ESCO1: variants seen among roughly 807,000 people sequenced by gnomAD.
ESCO1 encodes the protein N-acetyltransferase ESCO1.
ESCO1 carries 33 observed loss-of-function variants against 83.5 expected under a neutral mutation model. That is an observed-to-expected ratio of 0.40 (90% CI 0.30 to 0.53). ESCO1 has a LOEUF of 0.53. ESCO1 is among the 20% of genes least tolerant of loss of function. ESCO1 has a pLI of 0.63. For synonymous variants in ESCO1, 332 were observed against 324.3 expected, an observed-to-expected ratio of 1.02 and a Z score of -0.25; for missense variants, 855 against 968.0, an observed-to-expected ratio of 0.88 and a Z score of 1.55.
Position 21,574,048 on chromosome 18 carries a change from C to T in ESCO1, c.796G>A (p.Val266Ile), listed in dbSNP as rs2038380559. 6.2e-7 allele frequency: 1 copy of T among 1,612,626 alleles called. No homozygotes were observed. The highest frequency in any genetic ancestry group is 1.7e-5 in the Admixed American group (1 of 59,964). The change falls in exon 4 of 12, where the codon GTT becomes ATT. Residue 266 changes from valine (V) to isoleucine (I), a missense_variant. Transcript: ENST00000269214. ...GTGTTAGTATTCACTTGTGTATGAA[C>T]CGACTTCTTCATCTCATTCTTTTTC... ...VPKKNEMKKS[V>I]HTQVNTNTTL...
chr18:21,535,902 G>A, intron 10 of ESCO1, 140 bp downstream of exon 10: 1 of 973,138 alleles, frequency 1.0e-6, no homozygotes, highest in Non-Finnish European at 1.5e-6. Context: ...CTATGGTGAA[G>A]ACTCACACAT....
At chr18:21,572,895 CG>C (rs1435762039) in intron 4 of ESCO1, among the ~76,000 whole-genome samples, 1 of 150,594 alleles carries the variant, frequency 6.6e-6, no homozygotes, top group Non-Finnish European at 1.5e-5. Flanking sequence ...ACCTGGGAGG[CG>C]GAGGATGCAG....
chr18:21,556,716 C>T (rs1309634869), intron 8 of ESCO1, among the ~76,000 whole-genome samples: 1 of 151,426 alleles, frequency 6.6e-6, no homozygotes, highest in Non-Finnish European at 1.5e-5. Context: ...TTTTTTTCCC[C>T]TTGAGATGGA....
chr18:21,536,284 G>A, intron 9 of ESCO1, 99 bp from the exon 10 acceptor site: 1 of 1,336,656 alleles, frequency 7.5e-7, no homozygotes, highest in Non-Finnish European at 1.0e-6. Context: ...TTCCAAGCAG[G>A]GCATCCTCTA....
intron 8 of ESCO1, among the ~76,000 whole-genome samples, chr18:21,547,212 T>C (rs914544673): frequency 6.6e-6 from 1 of 152,176 alleles, no homozygotes; most frequent in Non-Finnish European, 1.5e-5. Context: ...CCATCGTCCC[T>C]CGCACTGATC....
chr18:21,592,877 G>C (rs544175637), intron 1 of ESCO1, among the ~76,000 whole-genome samples: 76 of 151,488 alleles, frequency 5.0e-4, no homozygotes, highest in Non-Finnish European at 8.6e-4. Context: ...TCTCAGATGG[G>C]GCGGCTGGGC....
At chr18:21,576,914 T>A (rs957770517) in intron 2 of ESCO1, among the ~76,000 whole-genome samples, 1 of 151,852 alleles carries the variant, frequency 6.6e-6, no homozygotes, top group Admixed American at 6.6e-5. Flanking sequence ...GCGCCTGTAA[T>A]CCCAGCTACT....
intron 1 of ESCO1, among the ~76,000 whole-genome samples, chr18:21,592,276 CG>C (rs1186157648): frequency 6.6e-6 from 1 of 150,766 alleles, no homozygotes; most frequent in Non-Finnish European, 1.5e-5. Flanking sequence ...ACCTCCTGGA[CG>C]GGGCAGCTGG....
At chr18:21,558,071 A>T (rs1237415097) in intron 8 of ESCO1, among the ~76,000 whole-genome samples, 1 of 150,888 alleles carries the variant, frequency 6.6e-6, no homozygotes, top group Non-Finnish European at 1.5e-5. Context: ...GCTCAAGCCA[A>T]CCTCCTGAGC....
At chr18:21,561,368 C>T (rs975676945) in intron 7 of ESCO1, among the ~76,000 whole-genome samples, 4 of 152,150 alleles carry the variant, frequency 2.6e-5, no homozygotes. Flanking sequence ...CAGGGTCTCA[C>T]GGTCTCACTG....
chr18:21,568,073 A>G lies in ESCO1; in HGVS notation c.1552T>C (p.Ser518Pro). 1 of 1,613,838 alleles carries G rather than the reference A, an allele frequency of 6.2e-7. No homozygotes were observed. Among genetic ancestry groups the G allele is most frequent in the Middle Eastern group, 1.7e-4 (1 of 6,056 alleles). The change falls in exon 5 of 12, where the codon TCC becomes CCC. Residue 518 changes from serine to proline, a missense_variant. By Grantham distance (74) the Ser-to-Pro change is moderately conservative. Coordinates refer to ENST00000269214, the MANE Select transcript of ESCO1 (RefSeq NM_052911.3). ...TCCACTGGACTGTTTTCTAGCTTGG[A>G]TTCCAAACATTGGCTGAAATTCTGA... Reference protein sequence around the residue: ...SNKNFSQCLESKLENSPVENV... With the variant: ...SNKNFSQCLEPKLENSPVENV...
chr18:21,580,801 C>T (rs2146219277), intron 2 of ESCO1, among the ~76,000 whole-genome samples: 1 of 151,564 alleles, frequency 6.6e-6, no homozygotes, highest in Middle Eastern at 3.4e-3. Flanking sequence ...ACCAGCCTGA[C>T]CAACAAGGAG....
chr18:21,594,584 G>C (rs1014039672), intron 1 of ESCO1, among the ~76,000 whole-genome samples: 2 of 151,922 alleles, frequency 1.3e-5, no homozygotes, highest in African/African-American at 4.8e-5. Context: ...GGCGCCTGTA[G>C]TCCCAGCTAC....
rs1308121238 is a variant in ESCO1, at chr18:21,573,377, T to C, written c.1467A>G (p.Ile489Met). 6.2e-7 allele frequency: 1 copy of C among 1,606,052 alleles called. No homozygotes were observed. Among genetic ancestry groups the C allele is most frequent in the South Asian group, 1.1e-5 (1 of 88,612 alleles). ...APENCHLANE[I>M]KPSDPPLDNQ... Reference sequence around the variant, plus strand: ...TATCCAATGGTGGGTCAGAAGGTTTTATCTCATTGGCCAAATGACAATTTT... The same window carrying C: ...TATCCAATGGTGGGTCAGAAGGTTTCATCTCATTGGCCAAATGACAATTTT... Residue 489 changes from isoleucine (I) to methionine (M), a missense_variant, in exon 4 of 12, where the codon ATA becomes ATG. Ile to Met is a conservative substitution (Grantham distance 10, BLOSUM62 1). Transcript: ENST00000269214.
chr18:21,588,562 G>C (rs1383044201), intron 1 of ESCO1, among the ~76,000 whole-genome samples: 4 of 152,036 alleles, frequency 2.6e-5, no homozygotes, highest in Admixed American at 6.6e-5. Context: ...ACAAAGGATT[G>C]GTATGCACAG....
chr18:21,596,570 C>T lies in ESCO1; in HGVS notation c.-825+4053G>A, dbSNP rs141003496. Among the ~76,000 whole-genome samples the T allele has an allele frequency of 4.7e-4, 71 of 152,044 alleles. No homozygotes were observed. The East Asian group carries it at 0.01, about 22-fold the overall frequency. On this transcript the variant is annotated intron_variant, in intron 1 of 11. Transcript: ENST00000269214. ...AATATTGGCCAGGCATGGTGTCTCA[C>T]GCCTGTAATCCCAGCACTTTGGGAG...
chr18:21,530,533 T>G, intron 11 of ESCO1, 43 bp from the exon 12 acceptor site: 1 of 1,334,148 alleles, frequency 7.5e-7, no homozygotes, highest in Non-Finnish European at 1.0e-6. Flanking sequence ...AAGTGTGAAA[T>G]GTTAAAAAAA....
intron 1 of ESCO1, among the ~76,000 whole-genome samples, chr18:21,599,863 A>C (rs1056755043): frequency 2.0e-5 from 3 of 152,072 alleles, no homozygotes; most frequent in Admixed American, 2.0e-4. Context: ...TGCAAAATAA[A>C]CCCCCATAGT....
chr18:21,584,831 A>C (rs932819463), intron 1 of ESCO1, among the ~76,000 whole-genome samples: 1 of 152,014 alleles, frequency 6.6e-6, no homozygotes, highest in Non-Finnish European at 1.5e-5. Flanking sequence ...CAACAACAAC[A>C]ACAAAAAGCC....
Sources: allele counts gnomAD v4.1 joint callset (sites outside exome capture counted in the v4.1 genomes callset), GRCh38; gene constraint gnomAD v4.1.1; transcripts MANE v1.5; gene names NCBI Gene and HGNC (gene_info 2026-07-23, HGNC 2026-07-21).